KLF12: variants seen among roughly 807,000 people sequenced by gnomAD.
The protein encoded by KLF12 is KLF transcription factor 12, also known as Krueppel-like factor 12.
A neutral mutation model predicts 37.8 loss-of-function variants in KLF12; 9 were observed. That is an observed-to-expected ratio of 0.24 (90% CI 0.14 to 0.42). The LOEUF is 0.42. KLF12 is among the 10% of genes least tolerant of loss of function. The pLI, the probability that KLF12 is intolerant of heterozygous loss-of-function variation, is 1.00. For synonymous variants in KLF12, 208 were observed against 202.1 expected (o/e 1.03, Z -0.25); for missense variants, 411 against 516.0 (o/e 0.80, Z 1.97).
intron 6 of KLF12, among the ~76,000 whole-genome samples, chr13:73,740,712 G>T (rs1202616362): frequency 1.3e-5 from 2 of 152,154 alleles, no homozygotes; most frequent in Non-Finnish European, 2.9e-5. Flanking sequence ...TTTGCCAAAT[G>T]TTCTTTTATC....
chr13:73,780,858 T>C (rs1880921528), intron 5 of KLF12, among the ~76,000 whole-genome samples: 1 of 152,194 alleles, frequency 6.6e-6, no homozygotes, highest in South Asian at 2.1e-4. Flanking sequence ...CAACAAAGGA[T>C]TTAGAAGATT....
chr13:73,880,721 C>T (rs559134700), intron 3 of KLF12, among the ~76,000 whole-genome samples: 159 of 152,288 alleles, frequency 1.0e-3, no homozygotes, highest in Non-Finnish European at 1.7e-3. Context: ...ATGAACAGGG[C>T]TGGTCTCCCA....
chr13:74,283,821 C>T, the KLF12 span, among the ~76,000 whole-genome samples: 1 of 151,130 alleles, frequency 6.6e-6, no homozygotes, highest in Non-Finnish European at 1.5e-5. Flanking sequence ...GAGACTGAGG[C>T]TTTTGGCAAA....
intron 5 of KLF12, among the ~76,000 whole-genome samples, chr13:73,810,127 C>T (rs1041671319): frequency 3.3e-5 from 5 of 152,038 alleles, no homozygotes; most frequent in African/African-American, 9.7e-5. Context: ...CACCTTTAAT[C>T]CTAGCTACTA....
the KLF12 span, among the ~76,000 whole-genome samples, chr13:74,223,245 A>G: frequency 6.6e-6 from 1 of 152,232 alleles, no homozygotes; most frequent in Non-Finnish European, 1.5e-5. Context: ...GGTTTTAACA[A>G]TACACAATCG....
the KLF12 span, among the ~76,000 whole-genome samples, chr13:74,243,495 G>A: frequency 6.6e-6 from 1 of 152,086 alleles, no homozygotes; most frequent in East Asian, 1.9e-4. Flanking sequence ...GGTTCAAATG[G>A]TATTCCTGGT....
At position 73,827,209 on chromosome 13, in the gene KLF12, G is replaced by A. The variant is rs74095782; in HGVS notation, c.671-13922C>T. ...GCAGTATTAGTTATCTATCCTTTTC[G>A]TGATGAAAAATTAATTTGTTAAAAA... On this transcript the variant is annotated intron_variant, in intron 4 of 7. Transcript: ENST00000377669. 7.6e-3 allele frequency among the ~76,000 whole-genome samples: 1,155 copies of A among 152,112 alleles called. 17 individuals are homozygous for A. The highest frequency in any genetic ancestry group is 0.025 in the African/African-American group (1,056 of 41,468).
intron 1 of KLF12, among the ~76,000 whole-genome samples, chr13:74,039,842 T>C (rs1468747582): frequency 6.6e-6 from 1 of 152,236 alleles, no homozygotes; most frequent in Admixed American, 6.5e-5. Flanking sequence ...TAAACTGTTG[T>C]CTGACACATA....
chr13:73,789,401 A>G (rs1881532180), intron 5 of KLF12, among the ~76,000 whole-genome samples: 1 of 152,178 alleles, frequency 6.6e-6, no homozygotes, highest in Non-Finnish European at 1.5e-5. Context: ...CTAGTCAGAG[A>G]GAAATAAGCA....
At chr13:73,791,648 G>T (rs1594096131) in intron 5 of KLF12, among the ~76,000 whole-genome samples, 1 of 152,096 alleles carries the variant, frequency 6.6e-6, no homozygotes, top group Non-Finnish European at 1.5e-5. Context: ...ATTTTTTCCT[G>T]TAGTATGATT....
chr13:74,193,631 T>G, the KLF12 span, among the ~76,000 whole-genome samples: 1 of 152,194 alleles, frequency 6.6e-6, no homozygotes, highest in Admixed American at 6.5e-5. Context: ...TCATCTACTT[T>G]CCACATGCAG....
In KLF12 at chr13:74,105,572, G is replaced by GTA. The variant is rs1593904469; in HGVS notation, c.-32+28166_-32+28167insTA. 7.2e-5 allele frequency among the ~76,000 whole-genome samples: 11 copies of GTA among 152,136 alleles called. No individual in the cohort carries two copies. The East Asian group carries it at 2.1e-3, about 29-fold the overall frequency. The stretch of plus-strand genomic sequence containing the variant: ...CAAGGGCATAGACGGGTAGAGAAGA[G>GTA]GGGAAAAGATCTTTGTTAAAAGTGT... On this transcript the variant is annotated intron_variant, in intron 1 of 7. Coordinates refer to ENST00000377669, the MANE Select transcript of KLF12 (RefSeq NM_007249.5).
chr13:73,843,306 G>C (rs373910431), intron 4 of KLF12, among the ~76,000 whole-genome samples: 1 of 150,824 alleles, frequency 6.6e-6, no homozygotes, highest in Non-Finnish European at 1.5e-5. Flanking sequence ...TATACATTAT[G>C]TTCTTTTTTT....
At chr13:74,256,229 G>T in the KLF12 span, among the ~76,000 whole-genome samples, 1 of 151,262 alleles carries the variant, frequency 6.6e-6, no homozygotes, top group Non-Finnish European at 1.5e-5. Flanking sequence ...CTCTGATATC[G>T]GCTAACACTG....
At chr13:73,950,985 T>C (rs1310332493) in intron 2 of KLF12, among the ~76,000 whole-genome samples, 3 of 152,186 alleles carry the variant, frequency 2.0e-5, no homozygotes, top group African/African-American at 7.2e-5. Flanking sequence ...CCAGGCCTCC[T>C]TCCCTGGGCA....
chr13:73,969,589 G>T (rs1266877215), intron 2 of KLF12, among the ~76,000 whole-genome samples: 1 of 152,212 alleles, frequency 6.6e-6, no homozygotes, highest in East Asian at 1.9e-4. Context: ...CTCTACTTCT[G>T]CCATGGTAAA....
At chr13:73,785,092 C>A (rs529510988) in intron 5 of KLF12, among the ~76,000 whole-genome samples, 2 of 150,732 alleles carry the variant, frequency 1.3e-5, no homozygotes, top group African/African-American at 2.4e-5. Flanking sequence ...TCTTTATTTT[C>A]GTTCAATAAA....
At chr13:74,083,227 T>C (rs565180750) in intron 1 of KLF12, among the ~76,000 whole-genome samples, 3 of 152,270 alleles carry the variant, frequency 2.0e-5, no homozygotes, top group South Asian at 4.1e-4. Context: ...CAAAGATGTA[T>C]TGAGGCCGGG....
At chr13:74,217,132 C>G in the KLF12 span, among the ~76,000 whole-genome samples, 1 of 152,020 alleles carries the variant, frequency 6.6e-6, no homozygotes, top group Admixed American at 6.5e-5. Flanking sequence ...CTATTCTTTC[C>G]TTGGTTATCA....
Sources: allele counts gnomAD v4.1 joint callset (sites outside exome capture counted in the v4.1 genomes callset), GRCh38; gene constraint gnomAD v4.1.1; transcripts MANE v1.5; gene names NCBI Gene and HGNC (gene_info 2026-07-23, HGNC 2026-07-21).